OSBPL9: variants seen among roughly 807,000 people sequenced by gnomAD.
OSBPL9 encodes the protein oxysterol-binding protein-related protein 9.
Under a neutral mutation model 106.6 loss-of-function variants are expected in OSBPL9, and 40 were observed. The ratio of observed to expected loss-of-function variants is 0.38; its 90% confidence interval spans 0.29 to 0.49. OSBPL9 has a LOEUF of 0.49. Among genes scored for constraint, OSBPL9 ranks in the 20% least tolerant of loss-of-function variants. The pLI is 0.97. For missense variants in OSBPL9, 609 were observed against 887.2 expected (o/e 0.69, Z 3.98); for synonymous variants, 269 against 295.4 (o/e 0.91, Z 0.92).
chr1:51,703,586 C>T (rs1474322119), intron 3 of OSBPL9, among the ~76,000 whole-genome samples: 1 of 151,918 alleles, frequency 6.6e-6, no homozygotes, highest in African/African-American at 2.4e-5. Flanking sequence ...TGTATCAAGT[C>T]AAGGGACAAT....
the OSBPL9 span, among the ~76,000 whole-genome samples, chr1:51,518,636 A>C: frequency 6.6e-6 from 1 of 152,118 alleles, no homozygotes; most frequent in Non-Finnish European, 1.5e-5. Context: ...AAACTCTGGG[A>C]AGGGAGGGCT....
At chr1:51,755,856 A>T (rs571368342) in intron 8 of OSBPL9, among the ~76,000 whole-genome samples, 1 of 151,980 alleles carries the variant, frequency 6.6e-6, no homozygotes, top group South Asian at 2.1e-4. Context: ...ACAGCCTCCT[A>T]CTCTTCACCC....
At chr1:51,765,662 G>A (rs1672400346) in intron 11 of OSBPL9, 160 bp from the exon 12 acceptor site, 2 of 549,550 alleles carry the variant, frequency 3.6e-6, no homozygotes, top group East Asian at 6.6e-5. Context: ...GCCATTTTCT[G>A]TGTGGAGTTT....
At chr1:51,530,189 A>AAAAAAAAAAAAAAAAAAAAAAAC in the OSBPL9 span, among the ~76,000 whole-genome samples, 1 of 94,120 alleles carries the variant, frequency 1.1e-5, no homozygotes, top group South Asian at 2.7e-4. Flanking sequence ...AAAAAAAAAA[A>AAAAAAAAAAAAAAAAAAAAAAAC]AAACAAAAAA....
intron 21 of OSBPL9, chr1:51,786,216 A>C: frequency 2.3e-6 from 1 of 442,594 alleles, no homozygotes; most frequent in Non-Finnish European, 4.0e-6. Context: ...TGTTTATAAA[A>C]TGAAGCACTA....
the OSBPL9 span, among the ~76,000 whole-genome samples, chr1:51,533,714 G>T: frequency 5.3e-5 from 8 of 152,002 alleles, no homozygotes; most frequent in Admixed American, 5.2e-4. Context: ...TCAGAAAACA[G>T]AGGTTGGAGT....
chr1:51,540,733 C>T, the OSBPL9 span, among the ~76,000 whole-genome samples: 2 of 151,240 alleles, frequency 1.3e-5, no homozygotes, highest in South Asian at 2.1e-4. Context: ...TCAAGGTGGG[C>T]AAATCACTTG....
At chr1:51,541,459 C>A in the OSBPL9 span, among the ~76,000 whole-genome samples, 10 of 152,200 alleles carry the variant, frequency 6.6e-5, no homozygotes, top group Non-Finnish European at 1.3e-4. Flanking sequence ...GTTTTTATTG[C>A]TGCTAATTGC....
chr1:51,623,286 G>A (rs187610497), intron 1 of OSBPL9, among the ~76,000 whole-genome samples: 2 of 152,258 alleles, frequency 1.3e-5, no homozygotes, highest in East Asian at 3.9e-4. Context: ...TGGAATGGAG[G>A]GGAACAGTTT....
the OSBPL9 span, among the ~76,000 whole-genome samples, chr1:51,536,525 C>T: frequency 6.6e-6 from 1 of 151,956 alleles, no homozygotes; most frequent in Non-Finnish European, 1.5e-5. Context: ...GTTATGTTGC[C>T]CAGACTGGCC....
At chr1:51,599,470 T>A (rs1366925086) in intron 2 of OSBPL9, among the ~76,000 whole-genome samples, 2 of 152,184 alleles carry the variant, frequency 1.3e-5, no homozygotes, top group Non-Finnish European at 1.5e-5. Flanking sequence ...CAGTGAATGT[T>A]AAATGAATAG....
At chr1:51,596,415 C>T (rs189513476) in intron 1 of OSBPL9, among the ~76,000 whole-genome samples, 21 of 151,870 alleles carry the variant, frequency 1.4e-4, no homozygotes, top group Non-Finnish European at 2.4e-4. Flanking sequence ...CAAAATTAGC[C>T]AGGTGTGGTG....
At chr1:51,592,108 CTTT>C (rs34379031) in intron 1 of OSBPL9, among the ~76,000 whole-genome samples, 30 of 76,994 alleles carry the variant, frequency 3.9e-4, no homozygotes, top group East Asian at 1.2e-3. Context: ...GTTGCTAAGG[CTTT>C]TTTTTTTTTT....
intron 3 of OSBPL9, among the ~76,000 whole-genome samples, chr1:51,689,517 A>T (rs978588136): frequency 6.6e-6 from 1 of 152,116 alleles, no homozygotes; most frequent in Non-Finnish European, 1.5e-5. Flanking sequence ...AGCTTCTTCT[A>T]ATTACCTCCT....
chr1:51,609,727 C>A (rs945417310), intron 2 of OSBPL9, among the ~76,000 whole-genome samples: 8 of 151,402 alleles, frequency 5.3e-5, no homozygotes, highest in African/African-American at 1.2e-4. Flanking sequence ...ATTAGGATAT[C>A]CACTTGCCGG....
At chr1:51,781,661 A>G in intron 16 of OSBPL9, 1 of 224,924 alleles carries the variant, frequency 4.4e-6, no homozygotes, top group Non-Finnish European at 9.0e-6. Flanking sequence ...CAAATATAGA[A>G]GCATGAAGAC....
intron 3 of OSBPL9, among the ~76,000 whole-genome samples, chr1:51,679,788 A>T (rs748889982): frequency 6.6e-6 from 1 of 152,114 alleles, no homozygotes; most frequent in Non-Finnish European, 1.5e-5. Context: ...CCCTTATTTT[A>T]TTTAATAATG....
chr1:51,532,713 G>A, the OSBPL9 span, among the ~76,000 whole-genome samples: 1 of 152,118 alleles, frequency 6.6e-6, no homozygotes, highest in African/African-American at 2.4e-5. Context: ...AAATGAGAAT[G>A]CAAGAGGAGG....
At chr1:51,618,993 T>C (rs1315472677) in intron 1 of OSBPL9, among the ~76,000 whole-genome samples, 24 of 152,202 alleles carry the variant, frequency 1.6e-4, no homozygotes, top group Non-Finnish European at 1.0e-4. Flanking sequence ...TTTCTCTACA[T>C]AGTTTTTAAA....
Sources: gnomAD v4.1 joint callset for allele counts (sites outside exome capture counted in the v4.1 genomes callset) on GRCh38, gnomAD v4.1.1 for gene constraint, MANE v1.5 for transcripts, NCBI Gene and HGNC (gene_info 2026-07-23, HGNC 2026-07-21) for gene names.